The following BMAL1 variants were observed in gnomAD, a reference collection of about 807,000 sequenced individuals.
BMAL1 encodes the protein basic helix-loop-helix ARNT like 1.
chr11:13,342,883 C>G, the BMAL1 span, among the ~76,000 whole-genome samples: 1 of 152,180 alleles, frequency 6.6e-6, no homozygotes, highest in Non-Finnish European at 1.5e-5. Flanking sequence ...GTTACTTACT[C>G]TCTCAAACTT....
chr11:13,375,028 C>T, the BMAL1 span, among the ~76,000 whole-genome samples: 3 of 152,212 alleles, frequency 2.0e-5, no homozygotes. Flanking sequence ...CTCCCTCCTT[C>T]TCTTGGCAAA....
At chr11:13,350,308 A>G in the BMAL1 span, among the ~76,000 whole-genome samples, 1 of 152,270 alleles carries the variant, frequency 6.6e-6, no homozygotes, top group Non-Finnish European at 1.5e-5. Context: ...CCCTGAGGGC[A>G]GGGCTCTGTA....
the BMAL1 span, among the ~76,000 whole-genome samples, chr11:13,326,981 G>A: frequency 2.1e-4 from 32 of 151,964 alleles, no homozygotes; most frequent in South Asian, 1.5e-3. Flanking sequence ...CACCACGCCC[G>A]GCTAATTTTG....
chr11:13,306,161 A>C, the BMAL1 span, among the ~76,000 whole-genome samples: 1 of 151,206 alleles, frequency 6.6e-6, no homozygotes, highest in Admixed American at 6.6e-5. Flanking sequence ...GGGAAATTGG[A>C]GCGTATAGGT....
chr11:13,372,534 G>A, the BMAL1 span: 4 of 1,426,566 alleles, frequency 2.8e-6, no homozygotes, highest in Non-Finnish European at 3.8e-6. Context: ...AAAAAGCTGG[G>A]TGCAGTGGCT....
the BMAL1 span, among the ~76,000 whole-genome samples, chr11:13,290,559 ATATTAT>A: frequency 0.019 from 2,891 of 148,968 alleles, 98 homozygotes; most frequent in African/African-American, 0.064. Flanking sequence ...ACAAGTGTAT[ATATTAT>A]TATTATTATT....
the BMAL1 span, chr11:13,376,675 C>T: frequency 8.1e-6 from 13 of 1,613,954 alleles, no homozygotes; most frequent in African/African-American, 1.6e-4. Flanking sequence ...CCAACCTTCC[C>T]ACAGCTCACA....
At chr11:13,322,142 T>A in the BMAL1 span, among the ~76,000 whole-genome samples, 1 of 152,192 alleles carries the variant, frequency 6.6e-6, no homozygotes, top group South Asian at 2.1e-4. Context: ...ATGCTTGTTC[T>A]TGTCTACGAA....
At chr11:13,380,159 T>TG in the BMAL1 span, 1 of 152,048 alleles carries the variant, frequency 6.6e-6, no homozygotes, top group Non-Finnish European at 1.5e-5. Context: ...TAGAGAAAGG[T>TG]GGGGGACACT....
At chr11:13,352,192 C>T in the BMAL1 span, among the ~76,000 whole-genome samples, 3 of 152,104 alleles carry the variant, frequency 2.0e-5, no homozygotes, top group Non-Finnish European at 2.9e-5. Flanking sequence ...GCAGAGTCCT[C>T]AGCGGAGAAT....
chr11:13,292,552 A>AC, the BMAL1 span, among the ~76,000 whole-genome samples: 2 of 92,646 alleles, frequency 2.2e-5, no homozygotes, highest in African/African-American at 6.5e-5. Context: ...ATCTCAAAAA[A>AC]AAAAAAATAA....
At chr11:13,284,184 ATATATATATGTGTG>A in the BMAL1 span, among the ~76,000 whole-genome samples, 3,905 of 72,470 alleles carry the variant, frequency 0.054, 707 homozygotes, top group African/African-American at 0.23. Flanking sequence ...ATATGTGTAT[ATATATATATGTGTG>A]TATATATATA....
At chr11:13,360,484 C>G in the BMAL1 span, 1 of 1,491,496 alleles carries the variant, frequency 6.7e-7, no homozygotes, top group Non-Finnish European at 9.3e-7. Context: ...CAAGTAAGTA[C>G]CAGCATGTGG....
the BMAL1 span, among the ~76,000 whole-genome samples, chr11:13,284,110 GTATATA>G: frequency 6.2e-5 from 3 of 48,514 alleles, no homozygotes; most frequent in African/African-American, 2.1e-4. Flanking sequence ...GTGTGTGTGT[GTATATA>G]TATGTGTGTG....
At chr11:13,318,483 A>T in the BMAL1 span, among the ~76,000 whole-genome samples, 15 of 151,950 alleles carry the variant, frequency 9.9e-5, no homozygotes, top group Admixed American at 9.8e-4. Flanking sequence ...GTTGCAATCA[A>T]GTGAACTGCT....
At chr11:13,376,764 G>GT in the BMAL1 span, 1 of 1,591,108 alleles carries the variant, frequency 6.3e-7, no homozygotes, top group Non-Finnish European at 8.6e-7. Context: ...GGGCTTGCCC[G>GT]TGGGAAGGTG....
chr11:13,364,437 C>T, the BMAL1 span, among the ~76,000 whole-genome samples: 2 of 152,234 alleles, frequency 1.3e-5, no homozygotes, highest in Admixed American at 1.3e-4. Flanking sequence ...TAAACCACAT[C>T]ATGAAGGCCC....
chr11:13,374,060 T>C, the BMAL1 span: 3 of 1,594,100 alleles, frequency 1.9e-6, no homozygotes, highest in Non-Finnish European at 2.6e-6. Context: ...CTGAATGGCT[T>C]TTTCTTCTTT....
At chr11:13,283,562 G>A in the BMAL1 span, among the ~76,000 whole-genome samples, 1 of 152,136 alleles carries the variant, frequency 6.6e-6, no homozygotes, top group African/African-American at 2.4e-5. Context: ...TCCAGAGTCT[G>A]CCCTGTAACA....
Sources: allele counts gnomAD v4.1 joint callset (sites outside exome capture counted in the v4.1 genomes callset), GRCh38; gene constraint gnomAD v4.1.1; transcripts MANE v1.5; gene names NCBI Gene and HGNC (gene_info 2026-07-23, HGNC 2026-07-21).